Variants in SORL1-AS1 observed in about 807,000 individuals in gnomAD.
SORL1-AS1 encodes the protein lncRNA 51 A.
chr11:121,442,927 C>T (rs754957642), downstream of SORL1-AS1, among the ~76,000 whole-genome samples: 3 of 150,948 alleles, frequency 2.0e-5, no homozygotes, highest in Non-Finnish European at 2.9e-5. Flanking sequence ...ATCCGTCCAT[C>T]TCGGCCTCCC....
chr11:121,445,620 C>T (rs1183006719), downstream of SORL1-AS1, among the ~76,000 whole-genome samples: 1 of 151,954 alleles, frequency 6.6e-6, no homozygotes, highest in Non-Finnish European at 1.5e-5. Flanking sequence ...AAAATAACTT[C>T]CTGCTTCCTC....
At chr11:121,440,179 C>A in the SORL1-AS1 span, among the ~76,000 whole-genome samples, 1 of 152,150 alleles carries the variant, frequency 6.6e-6, no homozygotes, top group African/African-American at 2.4e-5. Context: ...TCGAGACAAG[C>A]CTGGCAAACA....
At position 121,452,785 on chromosome 11, in the gene SORL1-AS1, A is replaced by G. The variant is rs921785310; in HGVS notation, n.229T>C. 10 of 544,900 alleles carry G rather than the reference A, an allele frequency of 1.8e-5. No homozygotes were observed. The highest frequency in any genetic ancestry group is 4.7e-4 in the Middle Eastern group (1 of 2,112). 33.8% of individuals were successfully genotyped at this position (544,900 alleles called of 1,614,324 possible). A position where few individuals can be genotyped will look rare whatever the true frequency, so the allele number is the denominator to read the frequency against. On this transcript the variant is annotated non_coding_transcript_exon_variant, in exon 1 of 2. Transcript: ENST00000501964. The surrounding 1 kb of genome is among the most constrained non-coding windows in gnomAD (Gnocchi z 5.3). ...GTACAACCGTCAGCACTTGAATCGC[A>G]TTGATCTTTCCTTCTTCCTGTCGAT...
chr11:121,443,132 G>A (rs1466357797), downstream of SORL1-AS1, among the ~76,000 whole-genome samples: 3 of 152,098 alleles, frequency 2.0e-5, no homozygotes, highest in Non-Finnish European at 2.9e-5. Context: ...ATGACAGCCC[G>A]TTTCTAATAC....
chr11:121,447,095 G>C (rs899212661), downstream of SORL1-AS1, among the ~76,000 whole-genome samples: 2 of 152,066 alleles, frequency 1.3e-5, no homozygotes, highest in Non-Finnish European at 2.9e-5. Context: ...ATATTCCCAG[G>C]GAAAGAGGTA....
At chr11:121,443,679 A>G (rs760855628), downstream of SORL1-AS1, among the ~76,000 whole-genome samples, 2 of 152,238 alleles carry the variant, frequency 1.3e-5, no homozygotes, top group African/African-American at 2.4e-5. Flanking sequence ...CTGGTCAGGA[A>G]TTCAAGCTTT....
chr11:121,441,530 C>CAAAAAAAAAAAAGAAAAAAAAA, the SORL1-AS1 span, among the ~76,000 whole-genome samples: 1 of 52,390 alleles, frequency 1.9e-5, no homozygotes, highest in South Asian at 7.2e-4. Context: ...GACTCTGTCT[C>CAAAAAAAAAAAAGAAAAAAAAA]AAAAAAAAAA....
the SORL1-AS1 span, among the ~76,000 whole-genome samples, chr11:121,440,299 C>T: frequency 1.4e-4 from 22 of 152,232 alleles, no homozygotes; most frequent in Middle Eastern, 3.4e-3. Context: ...GCTTGAACCC[C>T]GGAGGCGGAG....
At chr11:121,444,939 G>A (rs1860705113), downstream of SORL1-AS1, among the ~76,000 whole-genome samples, 1 of 152,124 alleles carries the variant, frequency 6.6e-6, no homozygotes, top group Admixed American at 6.5e-5. Flanking sequence ...CATTGAAAAC[G>A]AAGAATTTTT....
At chr11:121,443,479 T>C (rs960077106), downstream of SORL1-AS1, among the ~76,000 whole-genome samples, 3 of 152,260 alleles carry the variant, frequency 2.0e-5, no homozygotes, top group Admixed American at 6.5e-5. Context: ...TCCTGTTCCA[T>C]TGATGCTGGA....
At chr11:121,443,043 A>T (rs970105906), downstream of SORL1-AS1, among the ~76,000 whole-genome samples, 1 of 152,062 alleles carries the variant, frequency 6.6e-6, no homozygotes, top group African/African-American at 2.4e-5. Context: ...GCTAGAGGAC[A>T]TGAAGACGTG....
chr11:121,452,643 TC>T lies in SORL1-AS1; in HGVS notation n.339+31del. ...TGAGCAGTTTTGCAACCCGCCTCCCTCCAGTTTTTTCCTCTCCCTGCACTTC... is the reference window on the plus strand; with the variant it reads ...TGAGCAGTTTTGCAACCCGCCTCCCTCAGTTTTTTCCTCTCCCTGCACTTC... On this transcript the variant is annotated intron_variant and non_coding_transcript_variant, in intron 1 of 1. Transcript: ENST00000501964. The surrounding 1 kb of genome is among the most constrained non-coding windows in gnomAD (Gnocchi z 5.3). The T allele has an allele frequency of 7.0e-7, 1 of 1,423,600 alleles. No homozygotes were observed. The highest frequency in any genetic ancestry group is 9.2e-7 in the Non-Finnish European group (1 of 1,090,930). 88.2% of individuals were successfully genotyped at this position (1,423,600 alleles called of 1,614,324 possible).
chr11:121,441,347 C>A, the SORL1-AS1 span, among the ~76,000 whole-genome samples: 2 of 149,848 alleles, frequency 1.3e-5, no homozygotes, highest in African/African-American at 5.0e-5. Context: ...CACGGTGAAA[C>A]CCCATCTGTA....
At chr11:121,438,165 G>C in the SORL1-AS1 span, among the ~76,000 whole-genome samples, 1 of 152,090 alleles carries the variant, frequency 6.6e-6, no homozygotes, top group Non-Finnish European at 1.5e-5. Flanking sequence ...AAATCTGAGG[G>C]CTTGTTTTTT....
the SORL1-AS1 span, among the ~76,000 whole-genome samples, chr11:121,440,460 G>A: frequency 5.1e-4 from 78 of 152,310 alleles, no homozygotes; most frequent in African/African-American, 1.8e-3. Flanking sequence ...AGATGGGAAA[G>A]CCCCACCAGC....
chr11:121,448,255 A>G (rs1860748019), exon 2 of SORL1-AS1: 1 of 152,264 alleles, frequency 6.6e-6, no homozygotes, highest in African/African-American at 2.4e-5. Flanking sequence ...TAATTTAATC[A>G]AGAGTGAGAA....
At chr11:121,448,696 CATT>C (rs1415756594) in exon 2 of SORL1-AS1, 14 of 152,182 alleles carry the variant, frequency 9.2e-5, no homozygotes, top group Admixed American at 5.9e-4. Context: ...CTATAAATAT[CATT>C]GAGTGCCACC....
rs777465644 is a variant in SORL1-AS1 at position 121,452,442 on chromosome 11, C to T, written n.339+233G>A. 6.7e-7 allele frequency: 1 copy of T among 1,498,468 alleles called. No homozygotes were observed. Among genetic ancestry groups the T allele is most frequent in the Non-Finnish European group, 8.9e-7 (1 of 1,127,740 alleles). 92.8% of individuals were successfully genotyped at this position (1,498,468 alleles called of 1,614,324 possible). ...AAGTCTGGACGCAGAGGCTGCACGG[C>T]GGCAGCGCGCCCTTGCCCCAGGACC... On this transcript the variant is annotated intron_variant and non_coding_transcript_variant, in intron 1 of 1. Coordinates refer to ENST00000501964, the Ensembl canonical transcript of SORL1-AS1. The surrounding 1 kb of genome is among the most constrained non-coding windows in gnomAD (Gnocchi z 5.3).
At position 121,452,542 on chromosome 11, in the gene SORL1-AS1, C is replaced by T. The variant is rs1860818858; in HGVS notation, n.339+133G>A. 6.7e-7 allele frequency: 1 copy of T among 1,493,554 alleles called. No homozygotes were observed. Among genetic ancestry groups the T allele is most frequent in the Non-Finnish European group, 8.9e-7 (1 of 1,127,372 alleles). The allele number at this position is 1,493,554 out of a possible 1,614,324, so 92.5% of individuals were successfully genotyped here. ...GCGCGGGGATGCCAGGGGGGCGAGC[C>T]GCGCGGACGAGAAGCCGCTCCGGAG... On this transcript the variant is annotated intron_variant and non_coding_transcript_variant, in intron 1 of 1. Transcript: ENST00000501964. The surrounding 1 kb of genome is among the most constrained non-coding windows in gnomAD (Gnocchi z 5.3).
Sources: allele counts gnomAD v4.1 joint callset (sites outside exome capture counted in the v4.1 genomes callset), GRCh38; gene constraint gnomAD v4.1.1; non-coding constraint Gnocchi (gnomAD v3.1); transcripts MANE v1.5; gene names NCBI Gene and HGNC (gene_info 2026-07-23, HGNC 2026-07-21).